Variants in RBFOX1 observed in about 807,000 individuals in gnomAD.
The protein encoded by RBFOX1 is RNA binding fox-1 homolog 1, also known as RNA binding protein fox-1 homolog 1.
RBFOX1 carries 8 observed loss-of-function variants against 57.7 expected under a neutral mutation model. The observed-to-expected ratio is 0.14, with a 90% CI of 0.08 to 0.25. The LOEUF (loss-of-function observed/expected upper bound fraction) is 0.25, where lower values mean the gene tolerates loss of function less well. RBFOX1 is among the 10% of genes least tolerant of loss of function. The pLI is 1.00. For missense variants in RBFOX1, 611 were observed against 548.5 expected, an observed-to-expected ratio of 1.11 and a Z score of -1.14; for synonymous variants, 326 against 222.4, an observed-to-expected ratio of 1.47 and a Z score of -4.15.
chr16:6,624,854 C>T (rs934483421), intron 2 of RBFOX1, among the ~76,000 whole-genome samples: 1 of 152,054 alleles, frequency 6.6e-6, no homozygotes, highest in Non-Finnish European at 1.5e-5. Context: ...AAGACCAGCC[C>T]TTTGTCTTCT....
intron 3 of RBFOX1, among the ~76,000 whole-genome samples, chr16:6,855,772 C>T (rs901103555): frequency 2.0e-5 from 3 of 150,736 alleles, no homozygotes; most frequent in African/African-American, 7.5e-5. Context: ...GTTTTATCCT[C>T]TACCTTTAGA....
At chr16:6,527,203 G>T (rs1190563781) in intron 2 of RBFOX1, among the ~76,000 whole-genome samples, 2 of 152,068 alleles carry the variant, frequency 1.3e-5, no homozygotes, top group Admixed American at 6.6e-5. Flanking sequence ...ATCTACCTAT[G>T]ATCTCTGACT....
chr16:7,354,321 C>G (rs1332524939), intron 4 of RBFOX1, among the ~76,000 whole-genome samples: 1 of 152,070 alleles, frequency 6.6e-6, no homozygotes, highest in Non-Finnish European at 1.5e-5. Context: ...ATTATTATTT[C>G]AAAAAATATG....
intron 2 of RBFOX1, among the ~76,000 whole-genome samples, chr16:5,479,255 G>C (rs987660535): frequency 1.3e-5 from 2 of 152,034 alleles, no homozygotes; most frequent in South Asian, 2.1e-4. Flanking sequence ...ACCAAGCCTT[G>C]TTGCCAATCA....
intron 14 of RBFOX1, among the ~76,000 whole-genome samples, chr16:7,696,001 ACAG>A (rs1220318844): frequency 1.3e-5 from 2 of 152,206 alleles, no homozygotes; most frequent in African/African-American, 2.4e-5. Context: ...AAGCAGTAGA[ACAG>A]CAGCATTTCA....
At chr16:6,390,897 G>T (rs1275493590) in intron 2 of RBFOX1, among the ~76,000 whole-genome samples, 1 of 152,116 alleles carries the variant, frequency 6.6e-6, no homozygotes, top group Non-Finnish European at 1.5e-5. Flanking sequence ...ATGGAATGAA[G>T]TGGAGACGGG....
intron 4 of RBFOX1, among the ~76,000 whole-genome samples, chr16:7,360,994 G>A (rs577613711): frequency 1.3e-5 from 2 of 152,278 alleles, no homozygotes; most frequent in Admixed American, 6.5e-5. Flanking sequence ...TGTGTGCCAT[G>A]ATGAGAAAGA....
chr16:5,620,823 C>T (rs1487799753), intron 3 of RBFOX1, among the ~76,000 whole-genome samples: 3 of 152,076 alleles, frequency 2.0e-5, no homozygotes, highest in Admixed American at 6.6e-5. Flanking sequence ...GGACCACAGG[C>T]ATGTGCCACT....
chr16:5,867,219 G>T, intron 3 of RBFOX1: 1 of 927,736 alleles, frequency 1.1e-6, no homozygotes, highest in Non-Finnish European at 1.4e-6. Context: ...ACAAATTATT[G>T]ATGCCAGTTC....
chr16:6,357,493 A>G (rs1184129593), intron 2 of RBFOX1, among the ~76,000 whole-genome samples: 2 of 152,086 alleles, frequency 1.3e-5, no homozygotes, highest in Non-Finnish European at 2.9e-5. Context: ...AGGGAGTTGG[A>G]AAGAGCTGTT....
At chr16:7,695,250 C>T (rs148923749) in intron 14 of RBFOX1, among the ~76,000 whole-genome samples, 2 of 152,166 alleles carry the variant, frequency 1.3e-5, no homozygotes, top group African/African-American at 2.4e-5. Flanking sequence ...AAAAAGGAGA[C>T]ACCCATATCC....
intron 1 of RBFOX1, among the ~76,000 whole-genome samples, chr16:5,383,584 G>T (rs950692637): frequency 2.0e-5 from 3 of 152,198 alleles, no homozygotes; most frequent in Non-Finnish European, 4.4e-5. Context: ...TGTGAAATGG[G>T]GGTAGGAATG....
intron 3 of RBFOX1, among the ~76,000 whole-genome samples, chr16:6,662,516 A>C (rs2098707986): frequency 6.6e-6 from 1 of 152,218 alleles, no homozygotes; most frequent in Admixed American, 6.5e-5. Flanking sequence ...CACTTAGATT[A>C]GATTTCAGGT....
Position 7,152,755 on chromosome 16 carries a change from C to G in RBFOX1, c.27+100657C>G, listed in dbSNP as rs530884520. Among the ~76,000 whole-genome samples the G allele has an allele frequency of 2.0e-5, 3 of 152,240 alleles. No homozygotes were observed. The South Asian group carries it at 6.2e-4, about 32-fold the overall frequency. On this transcript the variant is annotated intron_variant, in intron 4 of 15. Transcript: ENST00000550418. ...CTGGAAAAATAGTTTAGAATTGTTC[C>G]TAATGGGGTCCAGGTACGATATTTT...
chr16:7,262,103 C>T (rs2094940370), intron 4 of RBFOX1, among the ~76,000 whole-genome samples: 1 of 152,032 alleles, frequency 6.6e-6, no homozygotes, highest in South Asian at 2.1e-4. Flanking sequence ...GGTACCATTT[C>T]TGGGAAATAT....
chr16:6,644,878 C>T (rs1222609314), intron 2 of RBFOX1, among the ~76,000 whole-genome samples: 2 of 152,176 alleles, frequency 1.3e-5, no homozygotes, highest in African/African-American at 2.4e-5. Context: ...AGCCAAGCAT[C>T]CTGCAAGAGA....
At chr16:7,025,485 C>T (rs1478002226) in intron 3 of RBFOX1, among the ~76,000 whole-genome samples, 2 of 152,132 alleles carry the variant, frequency 1.3e-5, no homozygotes, top group African/African-American at 2.4e-5. Context: ...TAGGTCTCAG[C>T]CTTGTTGTAC....
intron 2 of RBFOX1, among the ~76,000 whole-genome samples, chr16:5,559,248 C>T (rs975745269): frequency 1.3e-5 from 2 of 150,378 alleles, no homozygotes; most frequent in African/African-American, 4.9e-5. Flanking sequence ...CAATGGCGTA[C>T]CCCTGTTCTG....
chr16:7,211,760 C>CG (rs1053988455), intron 4 of RBFOX1, among the ~76,000 whole-genome samples: 1 of 152,116 alleles, frequency 6.6e-6, no homozygotes, highest in African/African-American at 2.4e-5. Context: ...TAGGAGGACT[C>CG]GGGGGGATTC....
Sources: gnomAD v4.1 joint callset for allele counts (sites outside exome capture counted in the v4.1 genomes callset) on GRCh38, gnomAD v4.1.1 for gene constraint, MANE v1.5 for transcripts, NCBI Gene and HGNC (gene_info 2026-07-23, HGNC 2026-07-21) for gene names.